The following CAMK1D variants were observed in gnomAD, a reference collection of about 807,000 sequenced individuals.
CAMK1D encodes the protein calcium/calmodulin dependent protein kinase ID, also known as calcium/calmodulin-dependent protein kinase type 1D.
In CAMK1D, 9 loss-of-function variants were observed where a neutral mutation model predicts 47.7. That is an observed-to-expected ratio of 0.19 (90% CI 0.11 to 0.33). The LOEUF is 0.33. Ranked by LOEUF, CAMK1D falls within the 10% of genes least tolerant of loss-of-function variation. The pLI, the probability that CAMK1D is intolerant of heterozygous loss-of-function variation, is 1.00. For missense variants in CAMK1D, 291 were observed against 488.7 expected (o/e 0.60, Z 3.81); for synonymous variants, 184 against 184.9 (o/e 0.99, Z 0.04).
chr10:12,652,369 C>T (rs1199472509), intron 2 of CAMK1D, among the ~76,000 whole-genome samples: 2 of 144,344 alleles, frequency 1.4e-5, no homozygotes, highest in Admixed American at 7.2e-5. Context: ...ATCACAAGGT[C>T]AGGAGATCAA....
At chr10:12,411,828 A>G (rs2131944158) in intron 1 of CAMK1D, among the ~76,000 whole-genome samples, 2 of 145,122 alleles carry the variant, frequency 1.4e-5, no homozygotes, top group African/African-American at 5.1e-5. Flanking sequence ...TCCTGACCTC[A>G]GGTGATCCGC....
intron 3 of CAMK1D, among the ~76,000 whole-genome samples, chr10:12,694,024 A>T (rs1420240685): frequency 4.3e-5 from 3 of 69,450 alleles, no homozygotes; most frequent in Admixed American, 5.3e-4. Context: ...AAATATATAT[A>T]ATATATATAA....
At chr10:12,784,319 T>C (rs1837624588) in intron 5 of CAMK1D, among the ~76,000 whole-genome samples, 1 of 151,062 alleles carries the variant, frequency 6.6e-6, no homozygotes, top group Non-Finnish European at 1.5e-5. Context: ...TGCCTCAGCC[T>C]CCTGAGTAGC....
chr10:12,653,509 A>G (rs762531356), intron 2 of CAMK1D, among the ~76,000 whole-genome samples: 43 of 152,372 alleles, frequency 2.8e-4, no homozygotes, highest in Admixed American at 6.5e-4. Flanking sequence ...GTGCCTGGTT[A>G]TCTGAAGCCT....
chr10:12,615,614 A>AT (rs1838767305), intron 2 of CAMK1D, among the ~76,000 whole-genome samples: 2 of 145,542 alleles, frequency 1.4e-5, no homozygotes, highest in Admixed American at 1.4e-4. Context: ...AAGTATGTAT[A>AT]CGTATGTGTA....
intron 2 of CAMK1D, among the ~76,000 whole-genome samples, chr10:12,658,890 G>A (rs1048209486): frequency 6.6e-6 from 1 of 152,064 alleles, no homozygotes; most frequent in African/African-American, 2.4e-5. Context: ...CGATTTTTCC[G>A]GTACACCAAG....
intron 3 of CAMK1D, among the ~76,000 whole-genome samples, chr10:12,695,066 A>ACCTAGGTAGATT (rs1554811992): frequency 0.036 from 5,079 of 139,470 alleles, 134 homozygotes; most frequent in Admixed American, 0.082. Flanking sequence ...ATAGATAGAT[A>ACCTAGGTAGATT]CATAGGTAGA....
chr10:12,743,192 C>G (rs1835507924), intron 3 of CAMK1D, among the ~76,000 whole-genome samples: 1 of 151,654 alleles, frequency 6.6e-6, no homozygotes, highest in Admixed American at 6.6e-5. Flanking sequence ...ACTAAAAATA[C>G]AAAAATTAGC....
intron 1 of CAMK1D, among the ~76,000 whole-genome samples, chr10:12,497,626 G>A (rs1420748608): frequency 1.3e-5 from 2 of 152,056 alleles, no homozygotes; most frequent in African/African-American, 2.4e-5. Flanking sequence ...TCCAACTCTA[G>A]CATATTTGAA....
intron 1 of CAMK1D, among the ~76,000 whole-genome samples, chr10:12,500,935 C>T (rs1389750415): frequency 6.6e-6 from 1 of 152,220 alleles, no homozygotes; most frequent in African/African-American, 2.4e-5. Flanking sequence ...GCCTCACAAT[C>T]ACCTCCTGTG....
At chr10:12,547,432 T>A (rs1350099553) in intron 1 of CAMK1D, among the ~76,000 whole-genome samples, 1 of 151,920 alleles carries the variant, frequency 6.6e-6, no homozygotes, top group African/African-American at 2.4e-5. Context: ...GCTGGAGTGC[T>A]CCATCGTTCA....
At chr10:12,370,536 A>G (rs1335940147) in intron 1 of CAMK1D, among the ~76,000 whole-genome samples, 1 of 152,108 alleles carries the variant, frequency 6.6e-6, no homozygotes, top group Non-Finnish European at 1.5e-5. Context: ...TTCCAGTGGG[A>G]CAAGATGTGG....
chr10:12,356,739 A>G (rs534320549), intron 1 of CAMK1D, among the ~76,000 whole-genome samples: 279 of 151,902 alleles, frequency 1.8e-3, no homozygotes, highest in African/African-American at 5.0e-3. Context: ...AAAAAAAAAA[A>G]AAAAGAAAAG....
chr10:12,479,397 T>C (rs1833997518), intron 1 of CAMK1D, among the ~76,000 whole-genome samples: 1 of 152,098 alleles, frequency 6.6e-6, no homozygotes, highest in Non-Finnish European at 1.5e-5. Flanking sequence ...GGTTTCACCA[T>C]GTTGGTCAGG....
chr10:12,457,170 C>T (rs891984960), intron 1 of CAMK1D, among the ~76,000 whole-genome samples: 2 of 152,108 alleles, frequency 1.3e-5, no homozygotes, highest in African/African-American at 4.8e-5. Flanking sequence ...GTGGGCAGAT[C>T]ACTTGAGGTT....
intron 3 of CAMK1D, among the ~76,000 whole-genome samples, chr10:12,752,492 A>G (rs1836035339): frequency 6.6e-6 from 1 of 152,066 alleles, no homozygotes; most frequent in Non-Finnish European, 1.5e-5. Flanking sequence ...AATGGGGACA[A>G]GGCACACTCT....
intron 1 of CAMK1D, among the ~76,000 whole-genome samples, chr10:12,448,858 C>G (rs1474388463): frequency 1.3e-5 from 2 of 152,134 alleles, no homozygotes; most frequent in East Asian, 1.9e-4. Context: ...CTGAGTCATC[C>G]AAAACGCTGA....
rs867448990 is a variant in CAMK1D, at chr10:12,529,706, G to A, written c.93-23519G>A. 4.6e-5 allele frequency among the ~76,000 whole-genome samples: 7 copies of A among 152,148 alleles called. No homozygotes were observed. The South Asian group carries it at 6.2e-4, about 14-fold the overall frequency. On this transcript the variant is annotated intron_variant, in intron 1 of 10. Transcript: ENST00000619168. The stretch of plus-strand genomic sequence containing the variant: ...ACGGGGTCACACACAAATTTTGCTC[G>A]TGGTGGCTGAGCAAGAAAGTCTCTT...
Position 12,784,985 on chromosome 10 carries a change from T to G in CAMK1D, c.566-6173T>G, listed in dbSNP as rs45609732. On this transcript the variant is annotated intron_variant, in intron 5 of 10. Coordinates refer to ENST00000619168, the MANE Select transcript of CAMK1D (RefSeq NM_153498.4). ...AGGGACATTGGAGGTACAGAGGGAGTCAGAGGAGGCCATTGTGTTACAGGA... is the reference window on the plus strand; with the variant it reads ...AGGGACATTGGAGGTACAGAGGGAGGCAGAGGAGGCCATTGTGTTACAGGA... Among the ~76,000 whole-genome samples the G allele has an allele frequency of 8.5e-3, 1,291 of 151,858 alleles. 7 individuals carry two copies. The highest frequency in any genetic ancestry group is 0.014 in the Non-Finnish European group (951 of 67,964).
Sources: gnomAD v4.1 joint callset for allele counts (sites outside exome capture counted in the v4.1 genomes callset) on GRCh38, gnomAD v4.1.1 for gene constraint, MANE v1.5 for transcripts, NCBI Gene and HGNC (gene_info 2026-07-23, HGNC 2026-07-21) for gene names.